Variants in CACNA1E observed in about 807,000 individuals in gnomAD.
CACNA1E encodes voltage-dependent R-type calcium channel subunit alpha-1E.
In CACNA1E, 40 loss-of-function variants were observed where a neutral mutation model predicts 259.2. That is an observed-to-expected ratio of 0.15 (90% CI 0.12 to 0.20). CACNA1E has a LOEUF of 0.20. Among genes scored for constraint, CACNA1E ranks in the 10% least tolerant of loss-of-function variants. CACNA1E has a pLI of 1.00. For synonymous variants in CACNA1E, 1,104 were observed against 1,138.5 expected, an observed-to-expected ratio of 0.97 and a Z score of 0.61; for missense variants, 1,874 against 3,040.1, an observed-to-expected ratio of 0.62 and a Z score of 9.02.
chr1:181,664,678 C>T lies in CACNA1E; in HGVS notation c.1055+13237C>T, dbSNP rs570213160. Among the ~76,000 whole-genome samples the T allele has an allele frequency of 6.6e-5, 10 of 152,122 alleles. No homozygotes were observed. In the South Asian group the frequency reaches 1.9e-3, roughly 28 times the overall value. On this transcript the variant is annotated intron_variant, in intron 7 of 47. Coordinates refer to ENST00000367573, the MANE Select transcript of CACNA1E (RefSeq NM_001205293.3). The stretch of plus-strand genomic sequence containing the variant: ...TCTTGCTGTTATCTACCTTGAGAAG[C>T]AGAGGCAGTGTCAGGATAGGTGGTT...
Position 181,758,510 on chromosome 1 carries a change from C to A in CACNA1E, c.4495-248C>A, listed in dbSNP as rs1414192189. ...TAGAAAATGTTTCTTCCCTGCCCAC[C>A]CTCATCTCTAGGAAGACTGGCTGTT... On this transcript the variant is annotated intron_variant, in intron 31 of 47. Transcript: ENST00000367573. This position sits in a 1 kb window ranked among gnomAD's most constrained non-coding sequence, Gnocchi z 4.2. Among the ~76,000 whole-genome samples the A allele has an allele frequency of 2.0e-5, 3 of 152,096 alleles. No homozygotes were observed. The highest frequency in any genetic ancestry group is 4.4e-5 in the Non-Finnish European group (3 of 68,010).
At chr1:181,551,107 G>T (rs771001272) in intron 3 of CACNA1E, among the ~76,000 whole-genome samples, 7 of 152,118 alleles carry the variant, frequency 4.6e-5, no homozygotes, top group Non-Finnish European at 8.8e-5. Context: ...CCAGTGGCTC[G>T]TTCTCCTGTG....
At chr1:181,767,278 CAGA>C (rs916016139) in intron 35 of CACNA1E, among the ~76,000 whole-genome samples, 1 of 152,130 alleles carries the variant, frequency 6.6e-6, no homozygotes, top group African/African-American at 2.4e-5. Flanking sequence ...GCCTACTAAG[CAGA>C]AGAAGCCAAA....
At chr1:181,757,317 G>A (rs560391987) in intron 30 of CACNA1E, among the ~76,000 whole-genome samples, 191 bp downstream of exon 30, 8 of 152,168 alleles carry the variant, frequency 5.3e-5, no homozygotes, top group African/African-American at 1.4e-4. Context: ...TATGAGGCAC[G>A]GAGATCTGGA....
chr1:181,492,405 A>G (rs981313988), intron 1 of CACNA1E, among the ~76,000 whole-genome samples: 6 of 152,158 alleles, frequency 3.9e-5, no homozygotes, highest in East Asian at 1.9e-4. Context: ...TTTTTGTTCA[A>G]TTAACCAAAG....
intron 3 of CACNA1E, among the ~76,000 whole-genome samples, chr1:181,534,786 G>A (rs1668044663): frequency 6.6e-6 from 1 of 152,116 alleles, no homozygotes; most frequent in Non-Finnish European, 1.5e-5. Flanking sequence ...AGTGAGGCAA[G>A]CAGAATGTGT....
In CACNA1E at chr1:181,417,579, G is replaced by A. The variant is rs557353203; in HGVS notation, c.434+3999G>A. On this transcript the variant is annotated intron_variant, in intron 2 of 11. Coordinates refer to the CACNA1E transcript ENST00000524607. Reference sequence around the variant, plus strand: ...CTATAGAAAAAGTCACAACCACGCCGATTGACCTCACTGTGAATTGATGAC... The same window carrying A: ...CTATAGAAAAAGTCACAACCACGCCAATTGACCTCACTGTGAATTGATGAC... Among the ~76,000 whole-genome samples the A allele has an allele frequency of 3.3e-5, 5 of 152,264 alleles. No homozygotes were observed. In the East Asian group the frequency reaches 5.8e-4, roughly 18 times the overall value.
At chr1:181,777,376 T>C (rs1427779918) in intron 38 of CACNA1E, among the ~76,000 whole-genome samples, 1 of 152,214 alleles carries the variant, frequency 6.6e-6, no homozygotes, top group Non-Finnish European at 1.5e-5. Flanking sequence ...TCAGAGACTT[T>C]TCCCAAAAAT....
chr1:181,745,516 T>C (rs1326062911), intron 25 of CACNA1E, among the ~76,000 whole-genome samples: 1 of 151,982 alleles, frequency 6.6e-6, no homozygotes, highest in East Asian at 1.9e-4. Flanking sequence ...TTCACAACCA[T>C]GGGAAGAGCC....
intron 3 of CACNA1E, among the ~76,000 whole-genome samples, chr1:181,548,098 T>C (rs1419322646): frequency 1.3e-5 from 2 of 150,896 alleles, no homozygotes; most frequent in Non-Finnish European, 2.9e-5. Flanking sequence ...TAGGTATACT[T>C]TCCCCTCTGT....
Position 181,718,065 on chromosome 1 carries a change from A to T in CACNA1E, c.1536A>T (p.Glu512Asp). Residue 512 changes from glutamate to aspartate, a missense_variant, in exon 12 of 48, where the codon GAA (glutamate) becomes GAT (aspartate). Physicochemically the swap from Glu to Asp is conservative, Grantham distance 45. This residue lies in a region of CACNA1E where 157 missense variants were observed against 203.5 expected (regional missense o/e 0.77). Coordinates refer to ENST00000367573, the MANE Select transcript of CACNA1E (RefSeq NM_001205293.3). ...TTTTAATACTTCCAGACTATGCAGA[A>T]TTTCTGTTTCTGGGACTCTTCCTCT... ...QWLTHLLYYA[E>D]FLFLGLFLLE... is the part of the protein sequence containing the mutation. The T allele has an allele frequency of 6.3e-7, 1 of 1,576,558 alleles. No individual in the cohort carries two copies. The highest frequency in any genetic ancestry group is 8.7e-7 in the Non-Finnish European group (1 of 1,146,184).
intron 1 of CACNA1E, among the ~76,000 whole-genome samples, chr1:181,380,517 T>C (rs1655388662): frequency 6.6e-6 from 1 of 152,138 alleles, no homozygotes; most frequent in Non-Finnish European, 1.5e-5. Context: ...CCCATGGACA[T>C]AGTTGCAAAA....
At chr1:181,666,719 T>TAC (rs1282975538) in intron 7 of CACNA1E, among the ~76,000 whole-genome samples, 5 of 149,444 alleles carry the variant, frequency 3.3e-5, no homozygotes, top group East Asian at 1.9e-4. Flanking sequence ...TATATATATA[T>TAC]ATACACACAC....
chr1:181,708,075 C>T (rs1451244775), intron 7 of CACNA1E, among the ~76,000 whole-genome samples: 1 of 152,154 alleles, frequency 6.6e-6, no homozygotes. Context: ...GCATTGTGCA[C>T]TAGCCTTGAA....
At chr1:181,679,782 G>T (rs1649751425) in intron 7 of CACNA1E, among the ~76,000 whole-genome samples, 1 of 152,136 alleles carries the variant, frequency 6.6e-6, no homozygotes, top group African/African-American at 2.4e-5. Flanking sequence ...TGCCATAGAA[G>T]TGTGCAGAAT....
chr1:181,750,392 G>C, intron 25 of CACNA1E, 84 bp from the exon 26 acceptor site: 1 of 1,199,664 alleles, frequency 8.3e-7, no homozygotes, highest in Non-Finnish European at 1.2e-6. Context: ...TGTTCTGACT[G>C]TCTTTCTTCT....
At chr1:181,552,510 TC>T (rs1648282688) in intron 3 of CACNA1E, among the ~76,000 whole-genome samples, 1 of 152,118 alleles carries the variant, frequency 6.6e-6, no homozygotes, top group Admixed American at 6.5e-5. Context: ...TTTTTTTTTT[TC>T]CTTAGAGTGT....
chr1:181,448,696 C>T (rs1213967936), intron 2 of CACNA1E, among the ~76,000 whole-genome samples: 1 of 152,242 alleles, frequency 6.6e-6, no homozygotes, highest in Admixed American at 6.5e-5. Context: ...AGTGAAGAGA[C>T]TTTGTCTCAA....
At position 181,591,928 on chromosome 1, in the gene CACNA1E, A is replaced by G. The variant is rs138573123; in HGVS notation, c.951+11152A>G. Among the ~76,000 whole-genome samples, 125 of 152,360 alleles carry G rather than the reference A, an allele frequency of 8.2e-4. No homozygotes were observed. The East Asian group carries it at 0.02, about 24-fold the overall frequency. The stretch of plus-strand genomic sequence containing the variant: ...GAAAACCATCTAGGATAGACAAAGC[A>G]TCTTCTTCCATTGGCCCACTGTATA... On this transcript the variant is annotated intron_variant, in intron 6 of 47. Transcript: ENST00000367573.
Sources: allele counts gnomAD v4.1 joint callset (sites outside exome capture counted in the v4.1 genomes callset), GRCh38; gene constraint gnomAD v4.1.1; regional missense constraint gnomAD v4.1.1; non-coding constraint Gnocchi (gnomAD v3.1); transcripts MANE v1.5; gene names NCBI Gene and HGNC (gene_info 2026-07-23, HGNC 2026-07-21).